The following STK39 variants were observed in gnomAD, a reference collection of about 807,000 sequenced individuals.
STK39 encodes the protein serine/threonine kinase 39.
In STK39, 20 loss-of-function variants were observed where a neutral mutation model predicts 77.8. The observed-to-expected ratio is 0.26, with a 90% CI of 0.18 to 0.37. The LOEUF is 0.37. STK39 is among the 10% of genes least tolerant of loss of function. The probability of loss-of-function intolerance (pLI) is 1.00; values close to 1 mark genes in which losing one functional copy is unlikely to be tolerated. For missense variants in STK39, 479 were observed against 656.5 expected (o/e 0.73, Z 2.95); for synonymous variants, 246 against 234.1 (o/e 1.05, Z -0.47).
At chr2:168,048,503 C>T (rs372417967) in intron 14 of STK39, among the ~76,000 whole-genome samples, 4 of 150,384 alleles carry the variant, frequency 2.7e-5, no homozygotes, top group African/African-American at 7.3e-5. Context: ...TGAGCCACCG[C>T]GCCCGGCCCG....
At chr2:168,169,406 G>T (rs1049243009) in intron 2 of STK39, among the ~76,000 whole-genome samples, 1 of 152,134 alleles carries the variant, frequency 6.6e-6, no homozygotes, top group South Asian at 2.1e-4. Flanking sequence ...CTTAAATGCA[G>T]CTGCACTCTA....
intron 1 of STK39, among the ~76,000 whole-genome samples, chr2:168,236,623 G>T (rs76578770): frequency 6.6e-6 from 1 of 151,810 alleles, no homozygotes; most frequent in Non-Finnish European, 1.5e-5. Context: ...TGAATTAATC[G>T]TATAAGGCGT....
intron 14 of STK39, among the ~76,000 whole-genome samples, chr2:168,041,762 G>A (rs1685113053): frequency 6.6e-6 from 1 of 152,190 alleles, no homozygotes; most frequent in Admixed American, 6.5e-5. Flanking sequence ...TTGATCAGTG[G>A]AAAGAAAACA....
At chr2:168,105,000 T>C (rs1240442661) in intron 10 of STK39, among the ~76,000 whole-genome samples, 1 of 152,148 alleles carries the variant, frequency 6.6e-6, no homozygotes, top group African/African-American at 2.4e-5. Flanking sequence ...TGTGGAAATA[T>C]AATCAGTGGA....
intron 16 of STK39, among the ~76,000 whole-genome samples, chr2:167,975,041 T>C (rs999553357): frequency 2.6e-5 from 4 of 152,306 alleles, no homozygotes; most frequent in Admixed American, 1.3e-4. Context: ...TGTACCTAAT[T>C]TGGAGAAACA....
intron 10 of STK39, among the ~76,000 whole-genome samples, chr2:168,089,018 C>T (rs76620697): frequency 0.018 from 2,717 of 152,254 alleles, 97 homozygotes; most frequent in Admixed American, 0.079. Flanking sequence ...AAGAGACTCC[C>T]CTAGGGCTCC....
intron 5 of STK39, among the ~76,000 whole-genome samples, chr2:168,160,093 C>T (rs1688531505): frequency 6.6e-6 from 1 of 152,140 alleles, no homozygotes; most frequent in African/African-American, 2.4e-5. Context: ...CAGGGAGAGG[C>T]TCGGATCATT....
chr2:167,957,908 C>A (rs1030282711), intron 17 of STK39, among the ~76,000 whole-genome samples: 1 of 152,146 alleles, frequency 6.6e-6, no homozygotes. Context: ...TCCTACCCAC[C>A]CTGGGTCCTC....
At chr2:168,132,790 T>A (rs746328600) in intron 8 of STK39, among the ~76,000 whole-genome samples, 7 of 152,200 alleles carry the variant, frequency 4.6e-5, no homozygotes, top group Non-Finnish European at 7.4e-5. Context: ...CACTAGGATA[T>A]GAGCCCTTCC....
intron 10 of STK39, among the ~76,000 whole-genome samples, chr2:168,094,078 TCCTCCCCAGC>T (rs1205170627): frequency 6.6e-6 from 1 of 152,002 alleles, no homozygotes. Flanking sequence ...CTTCACAGGG[TCCTCCCCAGC>T]CCTCCCCAGC....
intron 10 of STK39, among the ~76,000 whole-genome samples, chr2:168,080,354 G>A (rs948381892): frequency 6.6e-6 from 1 of 152,194 alleles, no homozygotes; most frequent in African/African-American, 2.4e-5. Flanking sequence ...TCCCAGCCTG[G>A]CACAGTGGCT....
At chr2:168,221,300 C>G (rs1310597599) in intron 1 of STK39, among the ~76,000 whole-genome samples, 1 of 152,102 alleles carries the variant, frequency 6.6e-6, no homozygotes, top group African/African-American at 2.4e-5. Context: ...GTCTCAGAGT[C>G]CAGAGTTTAC....
At chr2:168,176,967 T>C (rs1688970802) in intron 2 of STK39, among the ~76,000 whole-genome samples, 1 of 152,174 alleles carries the variant, frequency 6.6e-6, no homozygotes, top group Admixed American at 6.5e-5. Context: ...ACTTGGGTAA[T>C]AAAAATAAAA....
chr2:168,209,578 G>C (rs948473023), intron 1 of STK39, among the ~76,000 whole-genome samples: 2 of 152,170 alleles, frequency 1.3e-5, no homozygotes, highest in Non-Finnish European at 2.9e-5. Flanking sequence ...TACTCGGTTG[G>C]CTGGGGCAGA....
intron 14 of STK39, among the ~76,000 whole-genome samples, chr2:168,021,264 C>T (rs77058679): frequency 0.011 from 1,599 of 152,254 alleles, 30 homozygotes; most frequent in African/African-American, 0.036. Context: ...ATCCAACACC[C>T]ATAATCTCTG....
intron 5 of STK39, among the ~76,000 whole-genome samples, chr2:168,147,593 G>A (rs1348248939): frequency 9.6e-6 from 1 of 103,902 alleles, no homozygotes; most frequent in Non-Finnish European, 2.1e-5. Flanking sequence ...GGTACACATG[G>A]GTGTGCACAA....
At chr2:168,081,686 G>C (rs1001863057) in intron 10 of STK39, among the ~76,000 whole-genome samples, 6 of 152,070 alleles carry the variant, frequency 3.9e-5, no homozygotes, top group Non-Finnish European at 7.4e-5. Flanking sequence ...GGCTGTGTCC[G>C]CACCCAAATC....
At chr2:168,006,817 A>G (rs1684144661) in intron 16 of STK39, among the ~76,000 whole-genome samples, 1 of 152,220 alleles carries the variant, frequency 6.6e-6, no homozygotes, top group Admixed American at 6.5e-5. Flanking sequence ...TTCAGTCTAC[A>G]AACAGCACAT....
intron 10 of STK39, among the ~76,000 whole-genome samples, chr2:168,125,591 G>A (rs1167015910): frequency 6.6e-6 from 1 of 152,104 alleles, no homozygotes. Context: ...GGGCCCCTCA[G>A]ACTAGAGCCA....
Sources: allele counts gnomAD v4.1 joint callset (sites outside exome capture counted in the v4.1 genomes callset), GRCh38; gene constraint gnomAD v4.1.1; transcripts MANE v1.5; gene names NCBI Gene and HGNC (gene_info 2026-07-23, HGNC 2026-07-21).